Variants in DOK5 observed in about 807,000 individuals in gnomAD.
DOK5 encodes the protein docking protein 5, also known as downstream of tyrosine kinase 5.
A neutral mutation model predicts 43.3 loss-of-function variants in DOK5; 27 were observed. The observed-to-expected ratio is 0.62, with a 90% CI of 0.46 to 0.86. DOK5 has a LOEUF of 0.86. DOK5 is among the 40% of genes least tolerant of loss of function. The pLI is 0.00. For missense variants in DOK5, 373 were observed against 392.9 expected, an observed-to-expected ratio of 0.95 and a Z score of 0.43; for synonymous variants, 146 against 140.1, an observed-to-expected ratio of 1.04 and a Z score of -0.30.
rs535699660 is a variant in DOK5 at position 54,515,302 on chromosome 20, C to T, written c.66+39290C>T. 1.8e-4 allele frequency among the ~76,000 whole-genome samples: 27 copies of T among 152,286 alleles called. 1 individual carries two copies. Among genetic ancestry groups the T allele is most frequent in the Admixed American group, 1.3e-3 (20 of 15,302 alleles). On this transcript the variant is annotated intron_variant, in intron 1 of 7. Coordinates refer to ENST00000262593, the MANE Select transcript of DOK5 (RefSeq NM_018431.5). ...GTGCTGGATTACAGGCATGAGCCAC[C>T]GTGCCCGGCCAGTTATGACTGATTT...
rs566093087 is a variant in DOK5 at position 54,590,836 on chromosome 20, A to G, written c.410-780A>G. Among the ~76,000 whole-genome samples, 37 of 152,276 alleles carry G rather than the reference A, an allele frequency of 2.4e-4. 1 individual carries two copies. In the South Asian group the frequency reaches 7.5e-3, roughly 31 times the overall value. On this transcript the variant is annotated intron_variant, in intron 4 of 7. Transcript: ENST00000262593. ...GTTTGCTATAGTAATATTTTTGTTCATTTTTCACTGAAAGACTTTGACTCA... is the reference window on the plus strand; with the variant it reads ...GTTTGCTATAGTAATATTTTTGTTCGTTTTTCACTGAAAGACTTTGACTCA...
intron 1 of DOK5, 100 bp downstream of exon 1, chr20:54,476,112 C>T: frequency 1.9e-6 from 3 of 1,567,972 alleles, no homozygotes; most frequent in Non-Finnish European, 2.6e-6. Flanking sequence ...CGGCCGCGCG[C>T]CGGAGAATTG....
At chr20:54,641,034 A>G (rs1339677600) in intron 6 of DOK5, among the ~76,000 whole-genome samples, 2 of 152,246 alleles carry the variant, frequency 1.3e-5, no homozygotes, top group Non-Finnish European at 1.5e-5. Context: ...ACATAGATCA[A>G]AACATCACAT....
intron 1 of DOK5, among the ~76,000 whole-genome samples, chr20:54,550,538 C>G (rs1170763811): frequency 1.3e-5 from 2 of 152,214 alleles, no homozygotes; most frequent in African/African-American, 2.4e-5. Context: ...GGCTCCCTCT[C>G]TCCTCCACCA....
chr20:54,546,013 C>T (rs1054634225), intron 1 of DOK5, among the ~76,000 whole-genome samples: 28 of 152,140 alleles, frequency 1.8e-4, no homozygotes, highest in African/African-American at 6.5e-4. Flanking sequence ...CCTAAGAGTC[C>T]AACTTTGCTG....
At chr20:54,606,402 A>T (rs75275575) in intron 5 of DOK5, among the ~76,000 whole-genome samples, 2 of 152,154 alleles carry the variant, frequency 1.3e-5, no homozygotes, top group Non-Finnish European at 1.5e-5. Context: ...GTAAAGAGAA[A>T]GGAGGAATCG....
intron 1 of DOK5, among the ~76,000 whole-genome samples, chr20:54,497,411 C>T (rs1376986591): frequency 6.6e-6 from 1 of 152,192 alleles, no homozygotes; most frequent in Non-Finnish European, 1.5e-5. Flanking sequence ...TAGTTCTGAA[C>T]TCTTGTAATT....
chr20:54,492,823 G>A (rs984436616), intron 1 of DOK5, among the ~76,000 whole-genome samples: 1 of 151,948 alleles, frequency 6.6e-6, no homozygotes, highest in South Asian at 2.1e-4. Flanking sequence ...GGAGGCCAAG[G>A]GGGGTGGATC....
chr20:54,476,080 T>C, intron 1 of DOK5, 68 bp downstream of exon 1: 2 of 1,596,512 alleles, frequency 1.3e-6, no homozygotes, highest in South Asian at 2.3e-5. Flanking sequence ...CCAGCATCCC[T>C]GGAGGGTGGA....
At chr20:54,644,708 A>AC (rs1979296715) in intron 7 of DOK5, among the ~76,000 whole-genome samples, 4 of 96,572 alleles carry the variant, frequency 4.1e-5, no homozygotes, top group South Asian at 4.6e-4. Flanking sequence ...TCCGTCTCAA[A>AC]AAAAAAAAAA....
chr20:54,527,149 A>C lies in DOK5; in HGVS notation c.67-27784A>C, dbSNP rs570639556. On this transcript the variant is annotated intron_variant, in intron 1 of 7. Transcript: ENST00000262593. ...ACTTGCCTGAAAACATGGATTTTGAATGATATATGGGGTCTGTTTGACCCA... is the reference window on the plus strand; with the variant it reads ...ACTTGCCTGAAAACATGGATTTTGACTGATATATGGGGTCTGTTTGACCCA... 4.6e-5 allele frequency among the ~76,000 whole-genome samples: 7 copies of C among 151,826 alleles called. No homozygotes were observed. In the East Asian group the frequency reaches 1.3e-3, roughly 29 times the overall value.
At chr20:54,645,215 G>T (rs1979349234) in intron 7 of DOK5, among the ~76,000 whole-genome samples, 1 of 151,732 alleles carries the variant, frequency 6.6e-6, no homozygotes, top group Non-Finnish European at 1.5e-5. Flanking sequence ...ATGAATGAAT[G>T]ACCATGGAAG....
Position 54,504,974 on chromosome 20 carries a change from GCTGGCTTCT to G in DOK5, c.66+28964_66+28972del, listed in dbSNP as rs146518072. ...CTAACTGTGGATGGAAGCACCAGGG[GCTGGCTTCT>G]CACTGAGATGCTTCTATTCATATCT... On this transcript the variant is annotated intron_variant, in intron 1 of 7. Coordinates refer to ENST00000262593, the MANE Select transcript of DOK5 (RefSeq NM_018431.5). Among the ~76,000 whole-genome samples, 514 of 152,194 alleles carry G rather than the reference GCTGGCTTCT, an allele frequency of 3.4e-3. 16 individuals carry two copies. In the East Asian group the frequency reaches 0.075, roughly 22 times the overall value.
At chr20:54,522,386 T>C (rs1364424655) in intron 1 of DOK5, among the ~76,000 whole-genome samples, 2 of 152,328 alleles carry the variant, frequency 1.3e-5, no homozygotes, top group African/African-American at 2.4e-5. Flanking sequence ...TGAATTAAAT[T>C]GGACATTAAT....
At chr20:54,645,544 T>G (rs1407766999) in intron 7 of DOK5, among the ~76,000 whole-genome samples, 1 of 152,124 alleles carries the variant, frequency 6.6e-6, no homozygotes, top group Non-Finnish European at 1.5e-5. Context: ...CTCATCCTAG[T>G]TAACTCCTGC....
intron 1 of DOK5, among the ~76,000 whole-genome samples, chr20:54,535,936 G>A (rs775054915): frequency 6.6e-6 from 1 of 151,958 alleles, no homozygotes; most frequent in South Asian, 2.1e-4. Flanking sequence ...TTGATCCAAG[G>A]GCCTCATTTA....
intron 1 of DOK5, among the ~76,000 whole-genome samples, chr20:54,518,147 A>G (rs903103661): frequency 6.6e-6 from 1 of 151,922 alleles, no homozygotes; most frequent in African/African-American, 2.4e-5. Flanking sequence ...ATTATACTTT[A>G]AGTTTTAGGG....
intron 1 of DOK5, chr20:54,476,260 C>G: frequency 1.1e-6 from 1 of 933,878 alleles, no homozygotes; most frequent in Non-Finnish European, 1.3e-6. Context: ...GCTTCAGTAG[C>G]CCCTGGAGCC....
chr20:54,586,495 C>G (rs1985807378), intron 2 of DOK5, among the ~76,000 whole-genome samples: 1 of 152,114 alleles, frequency 6.6e-6, no homozygotes, highest in Non-Finnish European at 1.5e-5. Flanking sequence ...ATTGAGTTCT[C>G]AATATGTGAG....
Sources: allele counts gnomAD v4.1 joint callset (sites outside exome capture counted in the v4.1 genomes callset), GRCh38; gene constraint gnomAD v4.1.1; transcripts MANE v1.5; gene names NCBI Gene and HGNC (gene_info 2026-07-23, HGNC 2026-07-21).